Variants in NECTIN3 observed in about 807,000 individuals in gnomAD.
NECTIN3 encodes the protein nectin cell adhesion molecule 3.
Under a neutral mutation model 49.4 loss-of-function variants are expected in NECTIN3, and 8 were observed. That is an observed-to-expected ratio of 0.16 (90% CI 0.10 to 0.29). The LOEUF is 0.29. Ranked by LOEUF, NECTIN3 falls within the 10% of genes least tolerant of loss-of-function variation. NECTIN3 has a pLI of 1.00. For missense variants in NECTIN3, 581 were observed against 654.6 expected, an observed-to-expected ratio of 0.89 and a Z score of 1.23; for synonymous variants, 277 against 241.1, an observed-to-expected ratio of 1.15 and a Z score of -1.38.
intron 1 of NECTIN3, among the ~76,000 whole-genome samples, chr3:111,093,683 G>A (rs1479929854): frequency 1.3e-5 from 2 of 152,112 alleles, no homozygotes; most frequent in Non-Finnish European, 2.9e-5. Context: ...TGATCCGCCT[G>A]CCTGAGCCTC....
At chr3:111,146,223 A>G (rs1368916265) in intron 6 of NECTIN3, among the ~76,000 whole-genome samples, 2 of 152,056 alleles carry the variant, frequency 1.3e-5, no homozygotes. Context: ...TCACGAGGTC[A>G]GGAGATCGAG....
intron 1 of NECTIN3, among the ~76,000 whole-genome samples, chr3:111,111,650 G>T (rs922686122): frequency 2.0e-5 from 3 of 152,134 alleles, no homozygotes; most frequent in African/African-American, 7.2e-5. Context: ...TCACAAGGCT[G>T]CAGTCAAAGT....
At chr3:111,116,041 G>A (rs183079348) in intron 2 of NECTIN3, among the ~76,000 whole-genome samples, 7 of 152,246 alleles carry the variant, frequency 4.6e-5, no homozygotes, top group Admixed American at 4.6e-4. Flanking sequence ...GTAGTTAGAA[G>A]CTGAAGCATC....
At chr3:111,083,362 G>C (rs1009744378) in intron 1 of NECTIN3, among the ~76,000 whole-genome samples, 3 of 152,182 alleles carry the variant, frequency 2.0e-5, no homozygotes, top group African/African-American at 7.2e-5. Context: ...GATGGTGTTA[G>C]GGGGCATAGG....
chr3:111,081,804 T>C (rs1283893740), intron 1 of NECTIN3, among the ~76,000 whole-genome samples: 1 of 152,112 alleles, frequency 6.6e-6, no homozygotes, highest in Non-Finnish European at 1.5e-5. Context: ...AAGGAATTAG[T>C]GTTCTCATGT....
chr3:111,162,302 G>C (rs2035229386), intron 7 of NECTIN3, among the ~76,000 whole-genome samples: 1 of 152,146 alleles, frequency 6.6e-6, no homozygotes. Context: ...TTGAGTTGTA[G>C]TTCCCATAAT....
At chr3:111,143,268 A>G (rs1266645145) in intron 5 of NECTIN3, among the ~76,000 whole-genome samples, 1 of 151,920 alleles carries the variant, frequency 6.6e-6, no homozygotes, top group Admixed American at 6.6e-5. Context: ...GCAACAATAG[A>G]TAAACCAGGC....
chr3:111,091,491 A>AT (rs554924266), intron 1 of NECTIN3, among the ~76,000 whole-genome samples: 4 of 151,888 alleles, frequency 2.6e-5, no homozygotes, highest in Non-Finnish European at 5.9e-5. Context: ...TGACCTCATG[A>AT]TTCACCCGCC....
At chr3:111,073,362 TTGGTTA>T (rs941009110) in intron 1 of NECTIN3, 5 of 152,346 alleles carry the variant, frequency 3.3e-5, no homozygotes, top group East Asian at 1.9e-4. Flanking sequence ...GTCAGGGTAG[TTGGTTA>T]TGAGGGAAGC....
At chr3:111,132,336 A>G (rs958281265) in intron 5 of NECTIN3, among the ~76,000 whole-genome samples, 4 of 151,902 alleles carry the variant, frequency 2.6e-5, no homozygotes, top group African/African-American at 9.7e-5. Flanking sequence ...CATTCTATAC[A>G]TATGGCATTC....
chr3:111,079,622 C>T (rs1394039401), intron 1 of NECTIN3, among the ~76,000 whole-genome samples: 1 of 151,704 alleles, frequency 6.6e-6, no homozygotes, highest in Non-Finnish European at 1.5e-5. Flanking sequence ...ATATAGCTAA[C>T]AGTTCTATAC....
chr3:111,072,622 C>T (rs1019033517), intron 1 of NECTIN3: 7 of 1,504,600 alleles, frequency 4.7e-6, no homozygotes, highest in South Asian at 1.2e-5. Context: ...CCTCCGGGTC[C>T]ACTTCTCATG....
intron 2 of NECTIN3, among the ~76,000 whole-genome samples, chr3:111,115,633 C>G (rs895265397): frequency 1.2e-4 from 18 of 152,194 alleles, no homozygotes; most frequent in African/African-American, 2.4e-5. Context: ...ATGCCTAACT[C>G]ACGGCTGACC....
At chr3:111,157,927 T>C (rs977107184) in intron 7 of NECTIN3, among the ~76,000 whole-genome samples, 9 of 152,116 alleles carry the variant, frequency 5.9e-5, no homozygotes, top group African/African-American at 1.9e-4. Context: ...AGCTAATGGG[T>C]TATTATAAAA....
At chr3:111,110,066 G>A (rs1367891993) in intron 1 of NECTIN3, among the ~76,000 whole-genome samples, 4 of 151,922 alleles carry the variant, frequency 2.6e-5, no homozygotes, top group Admixed American at 2.6e-4. Context: ...TTTTGCATAT[G>A]TTTATAAGCA....
chr3:111,142,305 A>T (rs2034766783), downstream of NECTIN3, among the ~76,000 whole-genome samples: 1 of 151,894 alleles, frequency 6.6e-6, no homozygotes. Context: ...AAATAGATTC[A>T]TAGCTAGTTT....
At chr3:111,173,235 A>T (rs1328354666) in intron 7 of NECTIN3, among the ~76,000 whole-genome samples, 2 of 152,168 alleles carry the variant, frequency 1.3e-5, no homozygotes, top group Admixed American at 6.5e-5. Flanking sequence ...TCTGCTCCAC[A>T]TCTTTACAAG....
At chr3:111,148,035 T>C (rs1005233161) in intron 7 of NECTIN3, among the ~76,000 whole-genome samples, 5 of 152,318 alleles carry the variant, frequency 3.3e-5, no homozygotes, top group East Asian at 1.9e-4. Flanking sequence ...TATCAGAATA[T>C]TTGAATTCTT....
At chr3:111,173,143 C>T (rs1036069705) in intron 7 of NECTIN3, among the ~76,000 whole-genome samples, 2 of 152,256 alleles carry the variant, frequency 1.3e-5, no homozygotes, top group East Asian at 3.9e-4. Flanking sequence ...AAACATGACT[C>T]CTATTCCAAG....
Sources: allele counts gnomAD v4.1 joint callset (sites outside exome capture counted in the v4.1 genomes callset), GRCh38; gene constraint gnomAD v4.1.1; transcripts MANE v1.5; gene names NCBI Gene and HGNC (gene_info 2026-07-23, HGNC 2026-07-21).